RNLS: variants seen among roughly 807,000 people sequenced by gnomAD.
The protein encoded by RNLS is renalase.
Under a neutral mutation model 39.8 loss-of-function variants are expected in RNLS, and 39 were observed. The observed-to-expected ratio is 0.98, with a 90% CI of 0.76 to 1.28. The LOEUF (loss-of-function observed/expected upper bound fraction) is 1.28, where lower values mean the gene tolerates loss of function less well. Ranked by LOEUF, RNLS falls within the 50% of genes most tolerant of loss-of-function variation. RNLS has a pLI of 0.00. For missense variants in RNLS, 410 were observed against 413.3 expected, an observed-to-expected ratio of 0.99 and a Z score of 0.07; for synonymous variants, 147 against 150.7, an observed-to-expected ratio of 0.98 and a Z score of 0.18.
chr10:88,535,894 G>T (rs190977058), intron 4 of RNLS, among the ~76,000 whole-genome samples: 1 of 152,170 alleles, frequency 6.6e-6, no homozygotes, highest in Non-Finnish European at 1.5e-5. Flanking sequence ...ATGACTTAAA[G>T]GCTATTAAAG....
chr10:88,263,057 T>C, the RNLS span, among the ~76,000 whole-genome samples: 1 of 152,244 alleles, frequency 6.6e-6, no homozygotes, highest in Non-Finnish European at 1.5e-5. Context: ...GGTTTCTTCA[T>C]AGGTGAGAAA....
At chr10:88,518,256 A>T (rs1393242578) in intron 4 of RNLS, among the ~76,000 whole-genome samples, 1 of 151,954 alleles carries the variant, frequency 6.6e-6, no homozygotes, top group Non-Finnish European at 1.5e-5. Flanking sequence ...AGTAAGTAGC[A>T]TGCATATGTA....
At chr10:88,573,182 G>C in intron 3 of RNLS, 121 bp from the exon 4 acceptor site, 1 of 836,816 alleles carries the variant, frequency 1.2e-6, no homozygotes, top group South Asian at 2.1e-5. Context: ...GTCTTCTACT[G>C]TCCTCCAGCT....
chr10:88,566,076 A>G (rs950364096), intron 4 of RNLS, among the ~76,000 whole-genome samples: 2 of 151,954 alleles, frequency 1.3e-5, no homozygotes, highest in African/African-American at 4.8e-5. Context: ...AGAGTAAACT[A>G]TTCTTATTTT....
intron 4 of RNLS, among the ~76,000 whole-genome samples, chr10:88,432,987 A>G (rs1855225112): frequency 6.6e-6 from 1 of 152,056 alleles, no homozygotes; most frequent in Non-Finnish European, 1.5e-5. Context: ...CTTAATAAGT[A>G]TTAAACATTA....
At chr10:88,554,158 TTTAA>T (rs1394184518) in intron 4 of RNLS, among the ~76,000 whole-genome samples, 1 of 151,854 alleles carries the variant, frequency 6.6e-6, no homozygotes, top group African/African-American at 2.4e-5. Flanking sequence ...CATTGTTGAT[TTTAA>T]TTAGTTTGAT....
At chr10:88,491,411 T>C (rs1239617120) in intron 4 of RNLS, among the ~76,000 whole-genome samples, 2 of 152,228 alleles carry the variant, frequency 1.3e-5, no homozygotes, top group East Asian at 1.9e-4. Context: ...TATAGGTGCA[T>C]ACAAGGGAGC....
intron 5 of RNLS, among the ~76,000 whole-genome samples, chr10:88,326,353 C>T (rs1846606169): frequency 6.6e-6 from 1 of 152,150 alleles, no homozygotes; most frequent in Admixed American, 6.5e-5. Context: ...GAGGTGATCT[C>T]AGATGGAGAT....
At chr10:88,207,836 C>A in the RNLS span, among the ~76,000 whole-genome samples, 1 of 152,220 alleles carries the variant, frequency 6.6e-6, no homozygotes, top group South Asian at 2.1e-4. Context: ...CACAGGGAGT[C>A]CAGAAATTCC....
the RNLS span, among the ~76,000 whole-genome samples, chr10:88,211,171 C>T: frequency 1.2e-3 from 178 of 152,218 alleles, no homozygotes; most frequent in Middle Eastern, 0.024. Flanking sequence ...TTTTGTCACA[C>T]TTTGTATTAA....
chr10:88,240,415 A>ATTT, the RNLS span, among the ~76,000 whole-genome samples: 19,322 of 116,048 alleles, frequency 0.17, 1,603 homozygotes, highest in African/African-American at 0.25. Flanking sequence ...CCTTTTTTTA[A>ATTT]AAAAAAAAAA....
intron 4 of RNLS, among the ~76,000 whole-genome samples, chr10:88,510,394 A>T (rs1469009532): frequency 6.6e-6 from 1 of 152,166 alleles, no homozygotes; most frequent in Admixed American, 6.6e-5. Context: ...ATTTTTTAAT[A>T]GTGTCCCTTA....
intron 4 of RNLS, among the ~76,000 whole-genome samples, chr10:88,513,288 T>C (rs1846238702): frequency 1.3e-5 from 2 of 152,008 alleles, no homozygotes; most frequent in South Asian, 4.1e-4. Flanking sequence ...CAAACATCTG[T>C]CTCATTCTTT....
chr10:88,292,521 G>C (rs1843741491), intron 6 of RNLS, among the ~76,000 whole-genome samples: 1 of 150,394 alleles, frequency 6.6e-6, no homozygotes, highest in Non-Finnish European at 1.5e-5. Flanking sequence ...AAACCAATAT[G>C]AGTCTCCTGA....
At chr10:88,298,711 A>C (rs1349214508) in intron 6 of RNLS, among the ~76,000 whole-genome samples, 2 of 152,142 alleles carry the variant, frequency 1.3e-5, no homozygotes, top group Admixed American at 1.3e-4. Flanking sequence ...TGTCAGTACC[A>C]CACTGTCTTG....
At chr10:88,176,075 T>A in the RNLS span, among the ~76,000 whole-genome samples, 2 of 152,238 alleles carry the variant, frequency 1.3e-5, no homozygotes, top group Non-Finnish European at 2.9e-5. Flanking sequence ...TTCCATCCCT[T>A]CACTTTCAGG....
chr10:88,337,305 G>T (rs1847576658), intron 5 of RNLS, among the ~76,000 whole-genome samples: 1 of 152,172 alleles, frequency 6.6e-6, no homozygotes, highest in Admixed American at 6.5e-5. Flanking sequence ...GAACGTCTGT[G>T]TGGTGGATGT....
chr10:88,450,965 G>A (rs1842327181), intron 4 of RNLS, among the ~76,000 whole-genome samples: 1 of 142,018 alleles, frequency 7.0e-6, no homozygotes, highest in African/African-American at 2.8e-5. Flanking sequence ...GAAGAACTTG[G>A]CTCAGGAGGA....
At chr10:88,280,545 A>G (rs2132605443), downstream of RNLS, among the ~76,000 whole-genome samples, 1 of 152,244 alleles carries the variant, frequency 6.6e-6, no homozygotes, top group East Asian at 1.9e-4. Context: ...AACCTAAAAC[A>G]GGGGTCAGTA....
Sources: gnomAD v4.1 joint callset for allele counts (sites outside exome capture counted in the v4.1 genomes callset) on GRCh38, gnomAD v4.1.1 for gene constraint, MANE v1.5 for transcripts, NCBI Gene and HGNC (gene_info 2026-07-23, HGNC 2026-07-21) for gene names.